Variants in PRICKLE2 observed in about 807,000 individuals in gnomAD.
The protein encoded by PRICKLE2 is prickle-like protein 2.
Under a neutral mutation model 81.4 loss-of-function variants are expected in PRICKLE2, and 21 were observed. That is an observed-to-expected ratio of 0.26 (90% CI 0.18 to 0.37). PRICKLE2 has a LOEUF of 0.37. PRICKLE2 is among the 10% of genes least tolerant of loss of function. The pLI is 1.00. For missense variants in PRICKLE2, 940 were observed against 1,109.0 expected (o/e 0.85, Z 2.16); for synonymous variants, 456 against 421.5 (o/e 1.08, Z -1.00).
chr3:64,184,342 C>A (rs147502510), intron 2 of PRICKLE2, among the ~76,000 whole-genome samples: 1 of 152,218 alleles, frequency 6.6e-6, no homozygotes, highest in African/African-American at 2.4e-5. Context: ...AGTGGCAGAA[C>A]TGGATCAGGT....
chr3:64,223,435 A>G (rs528840751), intron 1 of PRICKLE2, among the ~76,000 whole-genome samples: 1 of 152,174 alleles, frequency 6.6e-6, no homozygotes, highest in East Asian at 1.9e-4. Context: ...TCTAACCTCT[A>G]AGTTCCCTTC....
chr3:64,232,536 C>A (rs980074371), intron 2 of PRICKLE2, among the ~76,000 whole-genome samples: 1 of 137,198 alleles, frequency 7.3e-6, no homozygotes, highest in Non-Finnish European at 1.7e-5. Context: ...CCCTCCTACC[C>A]TCTGGCTGCT....
At chr3:64,247,433 A>C (rs1383347808) in intron 2 of PRICKLE2, among the ~76,000 whole-genome samples, 1 of 152,160 alleles carries the variant, frequency 6.6e-6, no homozygotes, top group Non-Finnish European at 1.5e-5. Context: ...ACTCTAAATG[A>C]CTATTATTCT....
intron 3 of PRICKLE2, 56 bp from the exon 4 acceptor site, chr3:64,160,133 T>G (rs2077708394): frequency 6.3e-7 from 1 of 1,585,882 alleles, no homozygotes. Context: ...TTAAGATTTC[T>G]GAAGCCCATG....
At chr3:64,119,738 C>T (rs2076996460) in intron 7 of PRICKLE2, among the ~76,000 whole-genome samples, 1 of 152,156 alleles carries the variant, frequency 6.6e-6, no homozygotes, top group South Asian at 2.1e-4. Flanking sequence ...AACATTCTGT[C>T]AAAAAGACAC....
intron 2 of PRICKLE2, among the ~76,000 whole-genome samples, chr3:64,177,680 T>G (rs1287958018): frequency 1.3e-5 from 2 of 152,232 alleles, no homozygotes; most frequent in East Asian, 3.8e-4. Context: ...ATTCGTCCTT[T>G]GTGTCTGCTT....
At chr3:64,133,691 C>CA (rs1318177314) in intron 7 of PRICKLE2, among the ~76,000 whole-genome samples, 1 of 152,130 alleles carries the variant, frequency 6.6e-6, no homozygotes, top group Non-Finnish European at 1.5e-5. Context: ...ATAGGGGTAA[C>CA]ATGGGCATAA....
chr3:64,248,227 G>A (rs1481748305), intron 2 of PRICKLE2, among the ~76,000 whole-genome samples: 2 of 152,106 alleles, frequency 1.3e-5, no homozygotes, highest in Non-Finnish European at 2.9e-5. Flanking sequence ...ATCTGTCTTG[G>A]CAGCAAATGG....
In PRICKLE2 at chr3:64,153,184, A is replaced by T; in HGVS notation, c.785T>A (p.Ile262Lys). The change falls in exon 6 of 8, where the codon ATA becomes AAA. Residue 262 changes from isoleucine (I) to lysine (K), a missense_variant and splice_region_variant. Ile to Lys is a moderately radical substitution (Grantham distance 102, BLOSUM62 -3). This residue lies in a region of PRICKLE2 where 270 missense variants were observed against 391.8 expected (regional missense o/e 0.69). Transcript: ENST00000638394. ...AEYCDTCAQHIGIDQGQMTYD... is the reference protein window; with the variant it reads ...AEYCDTCAQHKGIDQGQMTYD... Reference sequence around the variant, plus strand: ...CTGACTGCCAAATATTGCCTCACCTATATGTTGGGCACAGGTGTCACAATA... The same window carrying T: ...CTGACTGCCAAATATTGCCTCACCTTTATGTTGGGCACAGGTGTCACAATA... The T allele has an allele frequency of 6.2e-7, 1 of 1,614,106 alleles. No individual in the cohort carries two copies. The highest frequency in any genetic ancestry group is 8.5e-7 in the Non-Finnish European group (1 of 1,179,916).
intron 2 of PRICKLE2, among the ~76,000 whole-genome samples, chr3:64,235,065 C>G (rs1333697700): frequency 6.6e-6 from 1 of 152,126 alleles, no homozygotes; most frequent in Non-Finnish European, 1.5e-5. Flanking sequence ...TATTTTCACT[C>G]TCTTTTCTCT....
At chr3:64,178,146 G>A (rs2078057555) in intron 2 of PRICKLE2, among the ~76,000 whole-genome samples, 1 of 152,156 alleles carries the variant, frequency 6.6e-6, no homozygotes, top group African/African-American at 2.4e-5. Context: ...TTATATTAAT[G>A]ACTAATGATG....
At chr3:64,226,434 G>C (rs1271799090), upstream of PRICKLE2, among the ~76,000 whole-genome samples, 2 of 152,064 alleles carry the variant, frequency 1.3e-5, no homozygotes, top group Non-Finnish European at 1.5e-5. Flanking sequence ...TTAACTTGTG[G>C]GATCTTCAAT....
intron 2 of PRICKLE2, among the ~76,000 whole-genome samples, chr3:64,245,949 T>C (rs1000429706): frequency 1.3e-5 from 2 of 152,124 alleles, no homozygotes; most frequent in Non-Finnish European, 2.9e-5. Flanking sequence ...CTCTCCTGAA[T>C]ATCATTTAAA....
At chr3:64,188,201 G>A (rs2078270489) in intron 2 of PRICKLE2, among the ~76,000 whole-genome samples, 1 of 152,152 alleles carries the variant, frequency 6.6e-6, no homozygotes, top group South Asian at 2.1e-4. Context: ...CTTTGTCCTA[G>A]GATCCTTACA....
intron 7 of PRICKLE2, among the ~76,000 whole-genome samples, chr3:64,132,591 C>G (rs1478155333): frequency 6.6e-6 from 1 of 152,230 alleles, no homozygotes; most frequent in Non-Finnish European, 1.5e-5. Flanking sequence ...ACATGGTAGA[C>G]ACTCAATAAA....
chr3:64,168,801 G>A (rs62249937), intron 2 of PRICKLE2, among the ~76,000 whole-genome samples: 44,719 of 151,998 alleles, frequency 0.29, 7,170 homozygotes, highest in Non-Finnish European at 0.37. Flanking sequence ...ATAGGTCTGC[G>A]TGGCTGACCA....
At chr3:64,233,961 C>T (rs1340428973) in intron 2 of PRICKLE2, among the ~76,000 whole-genome samples, 1 of 152,224 alleles carries the variant, frequency 6.6e-6, no homozygotes, top group Admixed American at 6.5e-5. Context: ...GGCTCTTCAC[C>T]TAGTGTATTT....
intron 2 of PRICKLE2, chr3:64,163,390 CAG>C (rs1265745293): frequency 4.2e-5 from 22 of 520,218 alleles, no homozygotes; most frequent in South Asian, 3.3e-4. Flanking sequence ...TTCCTAGAAA[CAG>C]AGAATTCAGC....
rs1175375723 is a variant in PRICKLE2, at chr3:64,097,370, C to T, written c.*1681G>A. The T allele has an allele frequency of 2.0e-5, 3 of 152,644 alleles. No homozygotes were observed. The highest frequency in any genetic ancestry group is 3.9e-4 in the East Asian group (2 of 5,172). 9.5% of individuals were successfully genotyped at this position (152,644 alleles called of 1,614,324 possible). A position where few individuals can be genotyped will look rare whatever the true frequency, so the allele number is the denominator to read the frequency against. On this transcript the variant is annotated 3_prime_UTR_variant, in exon 8 of 8. Coordinates refer to ENST00000638394, the MANE Select transcript of PRICKLE2 (RefSeq NM_198859.4). ...ACTACTATACTGAAAAGAGATCACG[C>T]TCACCTCACCATGGCAGATGGCCAC...
Sources: allele counts gnomAD v4.1 joint callset (sites outside exome capture counted in the v4.1 genomes callset), GRCh38; gene constraint gnomAD v4.1.1; regional missense constraint gnomAD v4.1.1; transcripts MANE v1.5; gene names NCBI Gene and HGNC (gene_info 2026-07-23, HGNC 2026-07-21).